AGAP1: variants seen among roughly 807,000 people sequenced by gnomAD.
The protein encoded by AGAP1 is ArfGAP with GTPase domain, ankyrin repeat and PH domain 1, also known as arf-GAP with GTPase, ANK repeat and PH domain-containing protein 1.
AGAP1 carries 29 observed loss-of-function variants against 105.3 expected under a neutral mutation model. That is an observed-to-expected ratio of 0.28 (90% CI 0.21 to 0.38). AGAP1 has a LOEUF of 0.38. AGAP1 is among the 10% of genes least tolerant of loss of function. The pLI, the probability that AGAP1 is intolerant of heterozygous loss-of-function variation, is 1.00. For missense variants in AGAP1, 998 were observed against 1,165.1 expected (o/e 0.86, Z 2.09); for synonymous variants, 509 against 485.9 (o/e 1.05, Z -0.63).
rs2048631842 is a variant in AGAP1, at chr2:235,855,111, A to C, written c.1051-28234A>C. On this transcript the variant is annotated intron_variant, in intron 9 of 17. Coordinates refer to ENST00000304032, the MANE Select transcript of AGAP1 (RefSeq NM_001037131.3). This position sits in a 1 kb window ranked among gnomAD's most constrained non-coding sequence, Gnocchi z 5.0. ...GGAACAGAAAAGTAGAAAAGGTTTA[A>C]AGGCAAAAAAAGCTGAAGGTATTTG... is the stretch of plus-strand genomic sequence containing the variant. 6.6e-6 allele frequency among the ~76,000 whole-genome samples: 1 copy of C among 152,218 alleles called. No individual in the cohort carries two copies. The highest frequency in any genetic ancestry group is 2.4e-5 in the African/African-American group (1 of 41,454).
chr2:235,689,749 T>C lies in AGAP1; in HGVS notation c.164-19430T>C, dbSNP rs1028609629. Among the ~76,000 whole-genome samples, 1 of 152,238 alleles carries C rather than the reference T, an allele frequency of 6.6e-6. No homozygotes were observed. Among genetic ancestry groups the C allele is most frequent in the African/African-American group, 2.4e-5 (1 of 41,472 alleles). On this transcript the variant is annotated intron_variant, in intron 1 of 17. Coordinates refer to ENST00000304032, the MANE Select transcript of AGAP1 (RefSeq NM_001037131.3). This position sits in a 1 kb window ranked among gnomAD's most constrained non-coding sequence, Gnocchi z 4.2. Reference sequence around the variant, plus strand: ...GAGCTGCACTGTTGGTAAACTGTCCTGCATGTGTGTACGTGCACACTTGTG... The same window carrying C: ...GAGCTGCACTGTTGGTAAACTGTCCCGCATGTGTGTACGTGCACACTTGTG...
intron 16 of AGAP1, among the ~76,000 whole-genome samples, chr2:236,086,883 C>T (rs1001270835): frequency 6.6e-5 from 10 of 150,700 alleles, no homozygotes; most frequent in African/African-American, 1.7e-4. Context: ...ACCTCCCTCC[C>T]TCCAAAAATC....
chr2:235,905,782 A>G lies in AGAP1; in HGVS notation c.1156-2956A>G, dbSNP rs1457022866. Among the ~76,000 whole-genome samples, 2 of 152,170 alleles carry G rather than the reference A, an allele frequency of 1.3e-5. No individual in the cohort carries two copies. Among genetic ancestry groups the G allele is most frequent in the Non-Finnish European group, 1.5e-5 (1 of 68,022 alleles). ...CCAGAGTGCTGGGATTACAGGCGTG[A>G]GCCACCGCGCCCCGCCTGATGTGCT... On this transcript the variant is annotated intron_variant, in intron 10 of 17. Transcript: ENST00000304032. This position sits in a 1 kb window ranked among gnomAD's most constrained non-coding sequence, Gnocchi z 4.2.
intron 12 of AGAP1, among the ~76,000 whole-genome samples, chr2:235,946,918 C>G (rs1409744663): frequency 3.9e-5 from 6 of 152,176 alleles, no homozygotes; most frequent in Non-Finnish European, 8.8e-5. Flanking sequence ...CTTTCTGACC[C>G]CAGTTTAAAC....
At chr2:235,943,509 CT>C (rs1230958051) in intron 12 of AGAP1, among the ~76,000 whole-genome samples, 3 of 152,064 alleles carry the variant, frequency 2.0e-5, no homozygotes, top group African/African-American at 7.2e-5. Context: ...GCCACTATGC[CT>C]GGCTAATTTT....
At chr2:235,972,906 A>G (rs1056215763) in intron 13 of AGAP1, among the ~76,000 whole-genome samples, 4 of 152,166 alleles carry the variant, frequency 2.6e-5, no homozygotes, top group African/African-American at 9.7e-5. Flanking sequence ...AGCCTGGCCC[A>G]GGGAGCCCTC....
In AGAP1 at chr2:235,754,844, A is replaced by G. The variant is rs911319400; in HGVS notation, c.673+4356A>G. On this transcript the variant is annotated intron_variant, in intron 6 of 17. Coordinates refer to ENST00000304032, the MANE Select transcript of AGAP1 (RefSeq NM_001037131.3). The surrounding 1 kb of genome is among the most constrained non-coding windows in gnomAD (Gnocchi z 4.6). ...GAAGTTAAGGTCCACTAGGGAGGGT[A>G]AACATCAAACGGTCACCCAGAAACA... 1.3e-5 allele frequency among the ~76,000 whole-genome samples: 2 copies of G among 152,210 alleles called. No homozygotes were observed. The highest frequency in any genetic ancestry group is 2.1e-4 in the South Asian group (1 of 4,826).
intron 1 of AGAP1, among the ~76,000 whole-genome samples, chr2:235,672,597 C>G (rs1948496437): frequency 6.6e-6 from 1 of 152,206 alleles, no homozygotes; most frequent in Admixed American, 6.5e-5. Flanking sequence ...CGAAGTTGCT[C>G]CTGTCATCAT....
intron 6 of AGAP1, among the ~76,000 whole-genome samples, chr2:235,756,481 T>C (rs1953936512): frequency 6.6e-6 from 1 of 152,178 alleles, no homozygotes; most frequent in Non-Finnish European, 1.5e-5. Context: ...CTGATAGTGG[T>C]ACAAAGAATT....
intron 8 of AGAP1, among the ~76,000 whole-genome samples, chr2:235,802,684 T>C (rs1575503708): frequency 6.9e-6 from 1 of 145,402 alleles, no homozygotes. Flanking sequence ...TGATGATGGT[T>C]GTGGTGGTGA....
chr2:235,775,158 A>T (rs1955767539), intron 6 of AGAP1, among the ~76,000 whole-genome samples: 1 of 152,216 alleles, frequency 6.6e-6, no homozygotes, highest in African/African-American at 2.4e-5. Context: ...CAGAGCCCAC[A>T]GGTCCTGCAG....
chr2:235,774,054 C>T (rs1168634566), intron 6 of AGAP1: 1 of 439,628 alleles, frequency 2.3e-6, no homozygotes, highest in African/African-American at 2.1e-5. Context: ...CTACGATGAA[C>T]AAAAGTTAAA....
chr2:235,533,181 T>C (rs1943100698), intron 1 of AGAP1, among the ~76,000 whole-genome samples: 1 of 152,232 alleles, frequency 6.6e-6, no homozygotes, highest in Non-Finnish European at 1.5e-5. Flanking sequence ...AAAACATCTT[T>C]TAAAAATCTA....
rs1283157655 is a variant in AGAP1 at position 236,127,288 on chromosome 2, A to G, written c.*3166A>G. On this transcript the variant is annotated 3_prime_UTR_variant, in exon 18 of 18. Transcript: ENST00000304032. The surrounding 1 kb of genome is among the most constrained non-coding windows in gnomAD (Gnocchi z 6.6). ...GATGGTTTCCCCCGCCCAGCACCCC[A>G]GTCCTGGTCCCTGGTCCCTCTCTCT... 6.6e-6 allele frequency: 1 copy of G among 152,162 alleles called. No homozygotes were observed. Among genetic ancestry groups the G allele is most frequent in the Non-Finnish European group, 1.5e-5 (1 of 68,036 alleles). The allele number at this position is 152,162 out of a possible 1,614,324, so 9.4% of individuals were successfully genotyped here.
intron 5 of AGAP1, among the ~76,000 whole-genome samples, chr2:235,749,379 TAAAAA>T (rs372905216): frequency 1.4e-5 from 2 of 141,392 alleles, no homozygotes; most frequent in African/African-American, 5.2e-5. Flanking sequence ...CAGCTGAGCT[TAAAAA>T]AAAAAAAAGC....
Position 236,005,725 on chromosome 2 carries a change from T to C in AGAP1, c.1646-30836T>C, listed in dbSNP as rs146248439. 2.8e-3 allele frequency among the ~76,000 whole-genome samples: 424 copies of C among 152,336 alleles called. 4 individuals carry two copies. Among genetic ancestry groups the C allele is most frequent in the African/African-American group, 9.8e-3 (409 of 41,568 alleles). On this transcript the variant is annotated intron_variant, in intron 13 of 17. Coordinates refer to ENST00000304032, the MANE Select transcript of AGAP1 (RefSeq NM_001037131.3). This position sits in a 1 kb window ranked among gnomAD's most constrained non-coding sequence, Gnocchi z 4.1. ...ATAGGAATCCCTCTACTGGAATTTG[T>C]GCAATGCTTTTCTCAGGTTTCATCT...
intron 12 of AGAP1, among the ~76,000 whole-genome samples, chr2:235,955,933 T>A (rs1289108806): frequency 2.0e-5 from 3 of 152,212 alleles, no homozygotes; most frequent in Non-Finnish European, 2.9e-5. Flanking sequence ...CACTTTCCTG[T>A]GCAGCAGTGG....
chr2:235,837,838 C>G (rs1022165328), intron 9 of AGAP1, among the ~76,000 whole-genome samples: 6 of 152,024 alleles, frequency 3.9e-5, no homozygotes, highest in African/African-American at 1.5e-4. Context: ...AAAAATTAAG[C>G]TTAAAAATAG....
At chr2:235,506,223 G>T (rs193229235) in intron 1 of AGAP1, among the ~76,000 whole-genome samples, 2 of 152,138 alleles carry the variant, frequency 1.3e-5, no homozygotes, top group Non-Finnish European at 2.9e-5. Flanking sequence ...GAGCCACTGT[G>T]CCCGGCCCTG....
Sources: gnomAD v4.1 joint callset for allele counts (sites outside exome capture counted in the v4.1 genomes callset) on GRCh38, gnomAD v4.1.1 for gene constraint, Gnocchi (gnomAD v3.1) non-coding constraint, MANE v1.5 for transcripts, NCBI Gene and HGNC (gene_info 2026-07-23, HGNC 2026-07-21) for gene names.